Variants in HTR3D observed in about 807,000 individuals in gnomAD.
HTR3D encodes 5-hydroxytryptamine receptor 3D.
In HTR3D, 47 loss-of-function variants were observed where a neutral mutation model predicts 45.8. That is an observed-to-expected ratio of 1.03 (90% confidence interval 0.81 to 1.31). The LOEUF (loss-of-function observed/expected upper bound fraction) is 1.31, where lower values mean the gene tolerates loss of function less well. HTR3D is among the 50% of genes most tolerant of loss of function. The probability of loss-of-function intolerance (pLI) is 0.00; values close to 1 mark genes in which losing one functional copy is unlikely to be tolerated. For missense variants in HTR3D, 448 were observed against 506.9 expected (o/e 0.88, Z 1.12); for synonymous variants, 203 against 199.8 (o/e 1.02, Z -0.13).
intron 1 of HTR3D, 145 bp from the exon 2 acceptor site, chr3:184,035,033 G>A (rs1473535401): frequency 3.4e-6 from 5 of 1,490,428 alleles, no homozygotes; most frequent in African/African-American, 1.4e-5. Context: ...ACCTTGAATT[G>A]TTTTGATCTA....
At chr3:184,033,178 T>A in intron 1 of HTR3D, 2 of 714,208 alleles carry the variant, frequency 2.8e-6, no homozygotes, top group Non-Finnish European at 4.5e-6. Context: ...TGGAGTGCAG[T>A]GGTGCAATCT....
Position 184,032,825 on chromosome 3 carries a change from C to A in HTR3D, c.66+1018C>A, listed in dbSNP as rs1164897464. 26 of 1,547,496 alleles carry A rather than the reference C, an allele frequency of 1.7e-5. No homozygotes were observed. The East Asian group carries it at 6.4e-4, about 38-fold the overall frequency. On this transcript the variant is annotated intron_variant, in intron 1 of 7. Transcript: ENST00000428798. ...TGCTTCTCCCAGTGCCCCCTGTTTT[C>A]TCTCCATGCAGAAACACTCTCCAGG...
intron 1 of HTR3D, chr3:184,034,961 A>C: frequency 9.3e-7 from 1 of 1,080,646 alleles, no homozygotes; most frequent in African/African-American, 1.6e-5. Context: ...TTTTTGGAAT[A>C]CTTGTCAAAA....
chr3:184,036,302 A>G lies in HTR3D; in HGVS notation c.198-73A>G, dbSNP rs539796720. ...GAGCTCGAGAATGGGATGACCTGACAGAGAAAGAAGGCCAAGTCTGATGGG... is the reference window on the plus strand; with the variant it reads ...GAGCTCGAGAATGGGATGACCTGACGGAGAAAGAAGGCCAAGTCTGATGGG... On this transcript the variant is annotated intron_variant, in intron 3 of 7. Coordinates refer to ENST00000428798, the MANE Select transcript of HTR3D (RefSeq NM_001145143.1). The G allele has an allele frequency of 2.6e-5, 41 of 1,571,422 alleles. No individual in the cohort carries two copies. The East Asian group carries it at 9.0e-4, about 34-fold the overall frequency.
intron 5 of HTR3D, among the ~76,000 whole-genome samples, chr3:184,037,119 A>G (rs1252873085): frequency 6.6e-6 from 1 of 151,404 alleles, no homozygotes; most frequent in Non-Finnish European, 1.5e-5. Context: ...AGCTCACTGC[A>G]ACTTCCACCT....
intron 1 of HTR3D, among the ~76,000 whole-genome samples, 190 bp downstream of exon 1, chr3:184,031,997 T>TC (rs1372121857): frequency 2.8e-5 from 4 of 144,040 alleles, no homozygotes; most frequent in East Asian, 4.0e-4. Flanking sequence ...TTTCTCTTCT[T>TC]TTTTTTTTTT....
Position 184,038,542 on chromosome 3 carries a change from C to T in HTR3D, c.903C>T (p.His301=). 6.2e-7 allele frequency: 1 copy of T among 1,613,964 alleles called. No homozygotes were observed. The highest frequency in any genetic ancestry group is 8.5e-7 in the Non-Finnish European group (1 of 1,180,046). ...LPRWLHSLLL[H]CTGQGRCCPT... ...GGTGGCTCCACTCCCTGCTGCTGCA[C>T]TGCACCGGCCAAGGGAGATGCTGTC... Residue 301 remains histidine (H), a synonymous_variant, in exon 7 of 8, where the codon CAC becomes CAT. Coordinates refer to ENST00000428798, the MANE Select transcript of HTR3D (RefSeq NM_001145143.1). The surrounding 1 kb of genome is among the most constrained non-coding windows in gnomAD (Gnocchi z 4.5).
At position 184,038,765 on chromosome 3, in the gene HTR3D, A is replaced by G; in HGVS notation, c.1005A>G (p.Val335=). ...CTGTAGGTGTGAAGGAGCCAGAGGT[A>G]TCAGCAGGGCAGATGCCAGGCCCTG... ...THLPGVKEPE[V]SAGQMPGPGE... The change falls in exon 8 of 8, where the codon GTA becomes GTG. Residue 335 remains valine (V), a synonymous_variant. Transcript: ENST00000428798. This position sits in a 1 kb window ranked among gnomAD's most constrained non-coding sequence, Gnocchi z 4.5. 1.2e-6 allele frequency: 2 copies of G among 1,606,412 alleles called. No individual in the cohort carries two copies. Among genetic ancestry groups the G allele is most frequent in the South Asian group, 1.1e-5 (1 of 90,058 alleles).
At chr3:184,032,166 G>A (rs1722768895) in intron 1 of HTR3D, among the ~76,000 whole-genome samples, 1 of 151,938 alleles carries the variant, frequency 6.6e-6, no homozygotes, top group Non-Finnish European at 1.5e-5. Flanking sequence ...GCTAATTTTT[G>A]TATTTTTAGT....
intron 4 of HTR3D, 81 bp downstream of exon 4, chr3:184,036,625 G>A: frequency 6.3e-7 from 1 of 1,594,952 alleles, no homozygotes; most frequent in Non-Finnish European, 8.6e-7. Flanking sequence ...GGAACAGTGA[G>A]GGAATCTTGC....
Position 184,038,271 on chromosome 3 carries a change from G to C in HTR3D, c.767G>C (p.Arg256Pro), listed in dbSNP as rs1014184726. Residue 256 changes from arginine to proline, a missense_variant and splice_region_variant, in exon 6 of 8, where the codon CGA becomes CCA. By Grantham distance (103) the Arg-to-Pro change is moderately radical. Transcript: ENST00000428798. The surrounding 1 kb of genome is among the most constrained non-coding windows in gnomAD (Gnocchi z 4.5). The stretch of plus-strand genomic sequence containing the variant: ...CCTCATCCATCAAGAGACCAAAAGC[G>C]AGGTGTGTGTTGGATGGGGAGAGGG... ...VRPHPSRDQKRGVYFALCLSL... is the reference protein window; with the variant it reads ...VRPHPSRDQKPGVYFALCLSL... 1.2e-6 allele frequency: 2 copies of C among 1,613,874 alleles called. No homozygotes were observed. Among genetic ancestry groups the C allele is most frequent in the Non-Finnish European group, 1.7e-6 (2 of 1,179,914 alleles).
intron 5 of HTR3D, among the ~76,000 whole-genome samples, chr3:184,037,226 G>A (rs1005154267): frequency 6.6e-6 from 1 of 151,624 alleles, no homozygotes; most frequent in Non-Finnish European, 1.5e-5. Context: ...TTTTAGTAGA[G>A]ATGGGGTTTC....
At position 184,038,951 on chromosome 3, in the gene HTR3D, C is replaced by T. The variant is rs372785698; in HGVS notation, c.1191C>T (p.Thr397=). 7.1e-5 allele frequency: 114 copies of T among 1,614,188 alleles called. No homozygotes were observed. The highest frequency in any genetic ancestry group is 3.8e-4 in the East Asian group (17 of 44,870). Residue 397 remains threonine (T), a synonymous_variant, in exon 8 of 8, where the codon ACC becomes ACT. Transcript: ENST00000428798. The surrounding 1 kb of genome is among the most constrained non-coding windows in gnomAD (Gnocchi z 4.5). ...YLLFMASSII[T]VICLWNT ...TCTTCATGGCCTCCTCCATCATCAC[C>T]GTCATATGCCTCTGGAACACCTAGG...
In HTR3D at chr3:184,031,995, C is replaced by CTT. The variant is rs3031482; in HGVS notation, c.66+204_66+205dup. ...AATATTTAGTTAACTCTTTTCTCTT[C>CTT]TTTTTTTTTTTTTTTTTGAGATGGA... On this transcript the variant is annotated intron_variant, in intron 1 of 7. Coordinates refer to ENST00000428798, the MANE Select transcript of HTR3D (RefSeq NM_001145143.1). Among the ~76,000 whole-genome samples, 684 of 129,594 alleles carry CTT rather than the reference C, an allele frequency of 5.3e-3. 16 individuals carry two copies. Among genetic ancestry groups the CTT allele is most frequent in the East Asian group, 0.027 (120 of 4,478 alleles). The allele number at this position is 129,594 out of a possible 152,430, so 85.0% of individuals were successfully genotyped here. A position where few individuals can be genotyped will look rare whatever the true frequency, so the allele number is the denominator to read the frequency against.
intron 5 of HTR3D, 119 bp from the exon 6 acceptor site, chr3:184,037,902 G>A (rs1320486918): frequency 2.4e-6 from 3 of 1,241,934 alleles, no homozygotes; most frequent in Middle Eastern, 2.8e-4. Context: ...GAAAGGGACG[G>A]GAGGTAATAT....
chr3:184,037,845 G>C (rs1722951547), intron 5 of HTR3D, among the ~76,000 whole-genome samples, 176 bp from the exon 6 acceptor site: 1 of 152,220 alleles, frequency 6.6e-6, no homozygotes, highest in Admixed American at 6.5e-5. Flanking sequence ...AGCAGCATGG[G>C]AGACTCTAAC....
At chr3:184,034,411 G>T (rs931116593) in intron 1 of HTR3D, among the ~76,000 whole-genome samples, 1 of 152,196 alleles carries the variant, frequency 6.6e-6, no homozygotes, top group Non-Finnish European at 1.5e-5. Context: ...GCTGTTGCCA[G>T]GGGTTGGAGA....
At chr3:184,035,278 T>C in intron 2 of HTR3D, 56 bp downstream of exon 2, 1 of 1,433,308 alleles carries the variant, frequency 7.0e-7, no homozygotes, top group South Asian at 1.2e-5. Context: ...TTTTTTCCAC[T>C]CCTAGGTCCA....
At position 184,038,886 on chromosome 3, in the gene HTR3D, A is replaced by G. The variant is rs1488485135; in HGVS notation, c.1126A>G (p.Ser376Gly). The G allele has an allele frequency of 6.2e-7, 1 of 1,614,226 alleles. No homozygotes were observed. Among genetic ancestry groups the G allele is most frequent in the Admixed American group, 1.7e-5 (1 of 60,032 alleles). Residue 376 changes from serine to glycine, a missense_variant, in exon 8 of 8, where the codon AGC becomes GGC. Ser to Gly is a moderately conservative substitution (Grantham distance 56, BLOSUM62 0). Transcript: ENST00000428798. This position sits in a 1 kb window ranked among gnomAD's most constrained non-coding sequence, Gnocchi z 4.5. ...CTCGGTGGAGCTGTGGGTGCAGTTC[A>G]GCCACGCGATGGACGCCCTGCTCTT... ...QHSVELWVQF[S>G]HAMDALLFRL...
Sources: allele counts gnomAD v4.1 joint callset (sites outside exome capture counted in the v4.1 genomes callset), GRCh38; gene constraint gnomAD v4.1.1; non-coding constraint Gnocchi (gnomAD v3.1); transcripts MANE v1.5; gene names NCBI Gene and HGNC (gene_info 2026-07-23, HGNC 2026-07-21).